The following EXOC2 variants were observed in gnomAD, a reference collection of about 807,000 sequenced individuals.
EXOC2 encodes the protein SEC5-like 1.
A neutral mutation model predicts 131.8 loss-of-function variants in EXOC2; 70 were observed. The ratio of observed to expected loss-of-function variants is 0.53; its 90% CI spans 0.44 to 0.65. The LOEUF (loss-of-function observed/expected upper bound fraction) is 0.65, where lower values mean the gene tolerates loss of function less well. EXOC2 is among the 30% of genes least tolerant of loss of function. EXOC2 has a pLI of 0.00. For missense variants in EXOC2, 923 were observed against 1,108.6 expected (o/e 0.83, Z 2.38); for synonymous variants, 411 against 398.4 (o/e 1.03, Z -0.38).
intron 7 of EXOC2, among the ~76,000 whole-genome samples, chr6:600,253 T>C (rs1760056985): frequency 6.6e-6 from 1 of 152,208 alleles, no homozygotes; most frequent in South Asian, 2.1e-4. Flanking sequence ...TATAAAAACT[T>C]TGTTTTGTCA....
At chr6:530,683 G>C (rs959951156) in intron 23 of EXOC2, among the ~76,000 whole-genome samples, 1 of 152,224 alleles carries the variant, frequency 6.6e-6, no homozygotes, top group African/African-American at 2.4e-5. Flanking sequence ...GGGGGAGCCC[G>C]TGGAGAGGGA....
At position 489,347 on chromosome 6, in the gene EXOC2, A is replaced by C. The variant is rs76507994; in HGVS notation, c.2622-309T>G. ...AGGAGAGCTTAATGTGAACATGTTT[A>C]ATTTAAAAGGAGTCTTTTCAAAACA... On this transcript the variant is annotated intron_variant, in intron 26 of 27. Transcript: ENST00000230449. 1.4e-3 allele frequency among the ~76,000 whole-genome samples: 218 copies of C among 152,326 alleles called. 2 individuals are homozygous for C. The highest frequency in any genetic ancestry group is 4.6e-3 in the African/African-American group (191 of 41,564).
chr6:604,006 A>T (rs1198811914), intron 7 of EXOC2, among the ~76,000 whole-genome samples: 5 of 152,194 alleles, frequency 3.3e-5, no homozygotes, highest in African/African-American at 1.2e-4. Flanking sequence ...GTATTAGTTC[A>T]CCTGCACATG....
At position 532,536 on chromosome 6, in the gene EXOC2, G is replaced by C; in HGVS notation, c.2313C>G (p.Ile771Met). The stretch of plus-strand genomic sequence containing the variant: ...AAATTCCAGGTTCTAAGGAGCCAAC[G>C]ATGGGATCTGCTTTCAACTCGATGT... ...ENYIELKADP[I>M]VGSLEPGIYA... The change falls in exon 23 of 28, where the codon ATC becomes ATG. Residue 771 changes from isoleucine (I) to methionine (M), a missense_variant. Transcript: ENST00000230449. 6.2e-7 allele frequency: 1 copy of C among 1,609,270 alleles called. No homozygotes were observed. Among genetic ancestry groups the C allele is most frequent in the Non-Finnish European group, 8.5e-7 (1 of 1,178,524 alleles).
chr6:523,269 C>G (rs1478970868), intron 23 of EXOC2, among the ~76,000 whole-genome samples: 1 of 152,208 alleles, frequency 6.6e-6, no homozygotes. Flanking sequence ...GAGATCAGTA[C>G]CCTGGCTCCC....
chr6:527,435 G>T (rs192305122), intron 23 of EXOC2, among the ~76,000 whole-genome samples: 2 of 152,234 alleles, frequency 1.3e-5, no homozygotes, highest in Non-Finnish European at 2.9e-5. Context: ...CTTGAGAAGA[G>T]CTGTGCTTCT....
chr6:595,438 G>A (rs1125815), intron 10 of EXOC2, among the ~76,000 whole-genome samples: 92,783 of 151,818 alleles, frequency 0.61, 30,105 homozygotes, highest in Non-Finnish European at 0.71. Flanking sequence ...TCAAAGCATC[G>A]TAAATAAAAT....
intron 22 of EXOC2, among the ~76,000 whole-genome samples, chr6:546,988 C>T (rs1217135045): frequency 6.6e-6 from 1 of 152,118 alleles, no homozygotes; most frequent in Non-Finnish European, 1.5e-5. Context: ...GAAAGCATTC[C>T]GGATTTAGAA....
intron 11 of EXOC2, among the ~76,000 whole-genome samples, chr6:579,544 T>C (rs1758771364): frequency 6.6e-6 from 1 of 152,218 alleles, no homozygotes; most frequent in Non-Finnish European, 1.5e-5. Context: ...AAGGTAGCGC[T>C]TCACAGCTGC....
At position 567,040 on chromosome 6, in the gene EXOC2, T is replaced by G. The variant is rs557229692; in HGVS notation, c.1444-2111A>C. 2.6e-5 allele frequency among the ~76,000 whole-genome samples: 4 copies of G among 152,298 alleles called. No individual in the cohort carries two copies. In the South Asian group the frequency reaches 8.3e-4, roughly 32 times the overall value. On this transcript the variant is annotated intron_variant, in intron 13 of 27. Coordinates refer to ENST00000230449, the MANE Select transcript of EXOC2 (RefSeq NM_018303.6). Reference sequence around the variant, plus strand: ...GCTCTCCAACTCCACTGACGAAACCTTATCCAAACCACCACTGTTTCCTGC... The same window carrying G: ...GCTCTCCAACTCCACTGACGAAACCGTATCCAAACCACCACTGTTTCCTGC...
In EXOC2 at chr6:629,860, T is replaced by G. The variant is rs776048205; in HGVS notation, c.397A>C (p.Asn133His). 1.2e-6 allele frequency: 2 copies of G among 1,614,068 alleles called. No individual in the cohort carries two copies. The highest frequency in any genetic ancestry group is 2.2e-5 in the South Asian group (2 of 91,066). The change falls in exon 4 of 28, where the codon AAC becomes CAC. Residue 133 changes from asparagine (N) to histidine (H), a missense_variant. Physicochemically the swap from Asn to His is moderately conservative, Grantham distance 68. Coordinates refer to ENST00000230449, the MANE Select transcript of EXOC2 (RefSeq NM_018303.6). Reference sequence around the variant, plus strand: ...TTTTCAATCTCAATGCCAAGCGGGTTAGCAGGACGTAAGGACAAGGGCGGA... The same window carrying G: ...TTTTCAATCTCAATGCCAAGCGGGTGAGCAGGACGTAAGGACAAGGGCGGA... ...GIPPLSLRPA[N>H]PLGIEIEKSK...
chr6:535,501 A>G (rs1581386321), intron 22 of EXOC2, among the ~76,000 whole-genome samples: 1 of 152,218 alleles, frequency 6.6e-6, no homozygotes, highest in Non-Finnish European at 1.5e-5. Context: ...AAACATTCCT[A>G]TAGATCCTGA....
chr6:657,084 T>C (rs867757341), intron 1 of EXOC2: 4 of 666,820 alleles, frequency 6.0e-6, no homozygotes, highest in African/African-American at 5.7e-5. Context: ...GGGTTCCCGG[T>C]TGCGGTTGCG....
chr6:679,320 A>C (rs1764293783), intron 1 of EXOC2: 1 of 152,246 alleles, frequency 6.6e-6, no homozygotes, highest in Non-Finnish European at 1.5e-5. Context: ...TACAGTTCAC[A>C]AGAGAGGAGA....
Position 598,026 on chromosome 6 carries a change from G to A in EXOC2, c.1068C>T (p.Tyr356=), listed in dbSNP as rs1410045147. The change falls in exon 10 of 28, where the codon TAC becomes TAT. Residue 356 remains tyrosine, a synonymous_variant. Transcript: ENST00000230449. ...TPSTLHDQKR[Y]IRYLSDLHAS... ...AATGTTTGCAGAAGATTTACCTTAT[G>A]TAACGTTTTTGGTCATGTAAAGTTG... 5 of 1,610,130 alleles carry A rather than the reference G, an allele frequency of 3.1e-6. No homozygotes were observed. Among genetic ancestry groups the A allele is most frequent in the Non-Finnish European group, 4.2e-6 (5 of 1,176,778 alleles).
At chr6:567,637 TCATACATGTCTA>T in intron 13 of EXOC2, among the ~76,000 whole-genome samples, 1 of 152,188 alleles carries the variant, frequency 6.6e-6, no homozygotes. Flanking sequence ...CATTAATGTT[TCATACATGTCTA>T]CATACGTGTA....
intron 26 of EXOC2, among the ~76,000 whole-genome samples, chr6:489,584 G>C (rs955192308): frequency 1.3e-5 from 2 of 152,146 alleles, no homozygotes; most frequent in Admixed American, 6.5e-5. Context: ...AAGGTAAAAG[G>C]AAAGAATTTT....
intron 26 of EXOC2, 60 bp downstream of exon 26, chr6:491,065 G>T (rs1763400718): frequency 2.0e-6 from 3 of 1,526,580 alleles, no homozygotes; most frequent in South Asian, 2.2e-5. Flanking sequence ...GGACAGAATT[G>T]ACTAGTAAGA....
Position 658,787 on chromosome 6 carries a change from G to C in EXOC2, c.-43-20926C>G, listed in dbSNP as rs149839484. ...AGCGATTCTCTTGCCTCAGCCTCCC[G>C]AGTAGCTGGGATTACAGGCGCCTGC... is the stretch of plus-strand genomic sequence containing the variant. On this transcript the variant is annotated intron_variant, in intron 1 of 27. Transcript: ENST00000230449. Among the ~76,000 whole-genome samples, 282 of 150,716 alleles carry C rather than the reference G, an allele frequency of 1.9e-3. 3 individuals are homozygous for C. The highest frequency in any genetic ancestry group is 0.01 in the Middle Eastern group (3 of 288).
Sources: allele counts gnomAD v4.1 joint callset (sites outside exome capture counted in the v4.1 genomes callset), GRCh38; gene constraint gnomAD v4.1.1; transcripts MANE v1.5; gene names NCBI Gene and HGNC (gene_info 2026-07-23, HGNC 2026-07-21).